ZNF708: variants seen among roughly 807,000 people sequenced by gnomAD.
ZNF708 encodes zinc finger protein 708.
A neutral mutation model predicts 47.0 loss-of-function variants in ZNF708; 44 were observed. That is an observed-to-expected ratio of 0.94 (90% CI 0.74 to 1.20). The LOEUF is 1.20. Ranked by LOEUF, ZNF708 falls within the 50% of genes most tolerant of loss-of-function variation. The pLI, the probability that ZNF708 is intolerant of heterozygous loss-of-function variation, is 0.00. For synonymous variants in ZNF708, 184 were observed against 218.5 expected, an observed-to-expected ratio of 0.84 and a Z score of 1.39; for missense variants, 557 against 656.0, an observed-to-expected ratio of 0.85 and a Z score of 1.65.
intron 1 of ZNF708, among the ~76,000 whole-genome samples, chr19:21,326,562 G>A (rs762119377): frequency 2.8e-4 from 43 of 152,224 alleles, no homozygotes; most frequent in Non-Finnish European, 4.6e-4. Flanking sequence ...GAGGGGAAGA[G>A]TGGAAGGGGG....
chr19:21,299,196 A>G (rs992551706), intron 3 of ZNF708, among the ~76,000 whole-genome samples: 5 of 150,144 alleles, frequency 3.3e-5, no homozygotes, highest in Non-Finnish European at 5.9e-5. Context: ...TCTACTAAAA[A>G]TACAAAAATT....
Position 21,295,208 on chromosome 19 carries a change from C to A in ZNF708, c.227-469G>T, listed in dbSNP as rs147586086. ...GAAATGGTGGTATACTTTGGAATGA[C>A]AGTTTGAGTCTGCTGAGACCAAAGT... On this transcript the variant is annotated intron_variant, in intron 3 of 3. Coordinates refer to ENST00000356929, the MANE Select transcript of ZNF708 (RefSeq NM_021269.3). 1.9e-3 allele frequency among the ~76,000 whole-genome samples: 296 copies of A among 152,266 alleles called. 1 individual carries two copies. Among genetic ancestry groups the A allele is most frequent in the African/African-American group, 6.7e-3 (279 of 41,550 alleles).
intron 3 of ZNF708, among the ~76,000 whole-genome samples, chr19:21,295,765 AG>A (rs1250633780): frequency 2.0e-5 from 3 of 152,156 alleles, no homozygotes; most frequent in African/African-American, 7.2e-5. Flanking sequence ...AGATTGTGAC[AG>A]GTAGCTTGTT....
At chr19:21,323,856 T>C (rs1973201723) in intron 1 of ZNF708, among the ~76,000 whole-genome samples, 1 of 152,154 alleles carries the variant, frequency 6.6e-6, no homozygotes, top group Admixed American at 6.5e-5. Context: ...TTAATAAAAT[T>C]TTTTTGCAGG....
At chr19:21,314,933 A>G (rs751933444) in intron 1 of ZNF708, among the ~76,000 whole-genome samples, 22 of 152,190 alleles carry the variant, frequency 1.4e-4, no homozygotes, top group South Asian at 6.2e-4. Context: ...TGGTCCAATA[A>G]TAAGCCAGGC....
intron 3 of ZNF708, among the ~76,000 whole-genome samples, chr19:21,300,832 T>C (rs1972645172): frequency 6.6e-6 from 1 of 151,828 alleles, no homozygotes; most frequent in South Asian, 2.1e-4. Flanking sequence ...AGGTAATTTT[T>C]TGTATTTTTA....
At chr19:21,298,573 G>A (rs2145153074) in intron 3 of ZNF708, among the ~76,000 whole-genome samples, 1 of 152,224 alleles carries the variant, frequency 6.6e-6, no homozygotes, top group South Asian at 2.1e-4. Context: ...AATCTCAAGA[G>A]ACTATACTCA....
chr19:21,314,554 T>G (rs1972965937), intron 1 of ZNF708, among the ~76,000 whole-genome samples: 1 of 152,208 alleles, frequency 6.6e-6, no homozygotes, highest in African/African-American at 2.4e-5. Context: ...ATATGATACT[T>G]AATTCAACCA....
chr19:21,324,790 G>T (rs1467974462), intron 1 of ZNF708, among the ~76,000 whole-genome samples: 1 of 152,076 alleles, frequency 6.6e-6, no homozygotes, highest in Non-Finnish European at 1.5e-5. Flanking sequence ...ATAAAATTTA[G>T]CTTAAAACTA....
intron 3 of ZNF708, among the ~76,000 whole-genome samples, chr19:21,299,747 C>G (rs542384238): frequency 1.1e-3 from 151 of 139,678 alleles, no homozygotes; most frequent in African/African-American, 4.0e-3. Flanking sequence ...CACTCCAGCA[C>G]AGGAGACACA....
chr19:21,323,741 T>A (rs568337576), intron 1 of ZNF708, among the ~76,000 whole-genome samples: 80 of 152,302 alleles, frequency 5.3e-4, no homozygotes, highest in Non-Finnish European at 4.4e-5. Flanking sequence ...GGTCCCCAGC[T>A]TTCCAGGGCT....
intron 1 of ZNF708, among the ~76,000 whole-genome samples, chr19:21,314,857 G>C (rs535433873): frequency 2.6e-5 from 4 of 152,114 alleles, no homozygotes; most frequent in Non-Finnish European, 4.4e-5. Context: ...TTCTGCTCTG[G>C]ACATCCTCAA....
Position 21,294,607 on chromosome 19 carries a change from A to T in ZNF708, c.359T>A (p.Leu120Ter). ...AAGTCCCTTGTGACCTCCTTTGTGC[A>T]ACTTATGCTCATCCACACTTTTACA... ...KGCKSVDEHK[L>*]HKGGHKGLNR... The change falls in exon 4 of 4, where the codon TTG (leucine) becomes TAG (stop). Residue 120 changes from leucine (L) to a stop codon, truncating the protein, a stop_gained. Coordinates refer to ENST00000356929, the MANE Select transcript of ZNF708 (RefSeq NM_021269.3). LOFTEE classifies it high-confidence loss of function. The T allele has an allele frequency of 6.2e-7, 1 of 1,614,122 alleles. No individual in the cohort carries two copies. The highest frequency in any genetic ancestry group is 8.5e-7 in the Non-Finnish European group (1 of 1,180,000).
Position 21,293,303 on chromosome 19 carries a change from T to G in ZNF708, c.1663A>C (p.Thr555Pro). ...PNLTKHKRIH[T>P]KEKPYKCK ...TTACATTTGTAGGGTTTCTCTTTGG[T>G]ATGAATTCTCTTATGTTTAGTAAGG... Residue 555 changes from threonine (T) to proline (P), a missense_variant, in exon 4 of 4, where the codon ACC becomes CCC. Coordinates refer to ENST00000356929, the MANE Select transcript of ZNF708 (RefSeq NM_021269.3). 8.7e-6 allele frequency: 14 copies of G among 1,609,936 alleles called. No homozygotes were observed. The highest frequency in any genetic ancestry group is 1.1e-5 in the Non-Finnish European group (13 of 1,178,418).
rs139261659 is a variant in ZNF708, at chr19:21,323,807, T to G, written c.3+5403A>C. Among the ~76,000 whole-genome samples, 587 of 152,286 alleles carry G rather than the reference T, an allele frequency of 3.9e-3. 4 individuals carry two copies. The highest frequency in any genetic ancestry group is 0.014 in the African/African-American group (561 of 41,546). On this transcript the variant is annotated intron_variant, in intron 1 of 3. Transcript: ENST00000356929. ...TGGCTGGGGTGAGCAGGCTGGGATATCTACAGAGGAGACTCCCCAGAAAAA... is the reference window on the plus strand; with the variant it reads ...TGGCTGGGGTGAGCAGGCTGGGATAGCTACAGAGGAGACTCCCCAGAAAAA...
chr19:21,301,940 A>G (rs1972668647), intron 3 of ZNF708, among the ~76,000 whole-genome samples: 1 of 152,236 alleles, frequency 6.6e-6, no homozygotes, highest in Non-Finnish European at 1.5e-5. Context: ...GTGGGTGTTC[A>G]TCACTACAAG....
At chr19:21,296,934 A>G (rs561657529) in intron 3 of ZNF708, among the ~76,000 whole-genome samples, 1 of 151,960 alleles carries the variant, frequency 6.6e-6, no homozygotes, top group East Asian at 1.9e-4. Flanking sequence ...GGAGTTCAGG[A>G]CCAGCCTGGC....
chr19:21,329,362 C>A lies in ZNF708; in HGVS notation c.-150G>T, dbSNP rs1973330309. On this transcript the variant is annotated 5_prime_UTR_variant, in exon 1 of 4. Transcript: ENST00000356929. The stretch of plus-strand genomic sequence containing the variant: ...TCCGGCTGCAGCAAGAGACAAAGGC[C>A]GCGCCAAACCCGGAAGCCGCCCTGT... 4 of 1,276,178 alleles carry A rather than the reference C, an allele frequency of 3.1e-6. No individual in the cohort carries two copies. In the Admixed American group the frequency reaches 7.6e-5, roughly 24 times the overall value. 79.1% of individuals were successfully genotyped at this position (1,276,178 alleles called of 1,614,324 possible). A position where few individuals can be genotyped will look rare whatever the true frequency, so the allele number is the denominator to read the frequency against.
chr19:21,320,833 C>A (rs940085917), intron 1 of ZNF708, among the ~76,000 whole-genome samples: 2 of 149,224 alleles, frequency 1.3e-5, no homozygotes, highest in Non-Finnish European at 1.5e-5. Context: ...AGCTGGAGAC[C>A]ATTATTGTTA....
Sources: allele counts gnomAD v4.1 joint callset (sites outside exome capture counted in the v4.1 genomes callset), GRCh38; gene constraint gnomAD v4.1.1; transcripts MANE v1.5; gene names NCBI Gene and HGNC (gene_info 2026-07-23, HGNC 2026-07-21).